The following CUL3 variants were observed in gnomAD, a reference collection of about 807,000 sequenced individuals.
CUL3 encodes the protein cullin-3.
CUL3 carries 19 observed loss-of-function variants against 89.1 expected under a neutral mutation model. The ratio of observed to expected loss-of-function variants is 0.21; its 90% CI spans 0.15 to 0.31. The LOEUF (loss-of-function observed/expected upper bound fraction) is 0.31, where lower values mean the gene tolerates loss of function less well. CUL3 is among the 10% of genes least tolerant of loss of function. CUL3 has a pLI of 1.00. For missense variants in CUL3, 469 were observed against 942.3 expected (o/e 0.50, Z 6.58); for synonymous variants, 351 against 308.4 (o/e 1.14, Z -1.45).
intron 3 of CUL3, 56 bp from the exon 4 acceptor site, chr2:224,514,828 G>A: frequency 1.6e-6 from 2 of 1,229,484 alleles, no homozygotes; most frequent in Non-Finnish European, 2.3e-6. Flanking sequence ...AATAATTATT[G>A]TGTGCTACAA....
At chr2:224,583,022 C>G (rs921204525) in intron 1 of CUL3, among the ~76,000 whole-genome samples, 1 of 152,148 alleles carries the variant, frequency 6.6e-6, no homozygotes, top group Admixed American at 6.5e-5. Flanking sequence ...AGCAAAAAAT[C>G]TTATTTAGAA....
chr2:224,522,753 G>A (rs763781643), intron 3 of CUL3, among the ~76,000 whole-genome samples: 12 of 151,632 alleles, frequency 7.9e-5, no homozygotes, highest in South Asian at 2.1e-4. Flanking sequence ...ATATGAACCC[G>A]GGAGGCGGAG....
At chr2:224,484,956 T>TA (rs1428021893) in intron 13 of CUL3, among the ~76,000 whole-genome samples, 1 of 151,930 alleles carries the variant, frequency 6.6e-6, no homozygotes, top group Non-Finnish European at 1.5e-5. Flanking sequence ...TGGGACTGGT[T>TA]AGACAGTGGG....
intron 13 of CUL3, among the ~76,000 whole-genome samples, chr2:224,494,238 C>T (rs1046050081): frequency 6.6e-6 from 1 of 151,974 alleles, no homozygotes; most frequent in Non-Finnish European, 1.5e-5. Flanking sequence ...TTCTTGTGCT[C>T]ACCTGTATAT....
chr2:224,512,727 G>A (rs1423127917), intron 5 of CUL3, among the ~76,000 whole-genome samples: 1 of 152,178 alleles, frequency 6.6e-6, no homozygotes, highest in Non-Finnish European at 1.5e-5. Flanking sequence ...TGTTTTACTA[G>A]TAATTTAAGT....
intron 2 of CUL3, among the ~76,000 whole-genome samples, chr2:224,536,462 A>G (rs1693903757): frequency 6.6e-6 from 1 of 152,136 alleles, no homozygotes. Flanking sequence ...ATATTAGTTT[A>G]TTTGTTTATT....
intron 13 of CUL3, among the ~76,000 whole-genome samples, chr2:224,492,984 C>T (rs1236248694): frequency 6.6e-6 from 1 of 152,136 alleles, no homozygotes; most frequent in East Asian, 1.9e-4. Context: ...TTAACAACAT[C>T]CAGAACAAAT....
chr2:224,474,160 C>A lies in CUL3; in HGVS notation c.*85G>T. 1 of 1,345,018 alleles carries A rather than the reference C, an allele frequency of 7.4e-7. No individual in the cohort carries two copies. The highest frequency in any genetic ancestry group is 1.4e-5 in the South Asian group (1 of 70,146). 83.3% of individuals were successfully genotyped at this position (1,345,018 alleles called of 1,614,324 possible). A position where few individuals can be genotyped will look rare whatever the true frequency, so the allele number is the denominator to read the frequency against. On this transcript the variant is annotated 3_prime_UTR_variant, in exon 16 of 16. Transcript: ENST00000264414. Reference sequence around the variant, plus strand: ...ACTGTAATTTAATAGAAGAGATGGTCGTCTTAATATTTAATGATTTAAAAG... The same window carrying A: ...ACTGTAATTTAATAGAAGAGATGGTAGTCTTAATATTTAATGATTTAAAAG...
At chr2:224,556,713 TGG>T (rs774225427) in intron 2 of CUL3, among the ~76,000 whole-genome samples, 18 of 152,192 alleles carry the variant, frequency 1.2e-4, no homozygotes, top group African/African-American at 3.9e-4. Context: ...CATTGTTCTT[TGG>T]TTAAGTAAGA....
chr2:224,511,143 A>C (rs1420264114), intron 6 of CUL3, among the ~76,000 whole-genome samples: 1 of 152,214 alleles, frequency 6.6e-6, no homozygotes, highest in East Asian at 1.9e-4. Flanking sequence ...AAAGACAGGA[A>C]ATGCTCAATT....
chr2:224,561,507 C>T (rs756045774), intron 1 of CUL3, among the ~76,000 whole-genome samples: 11 of 152,264 alleles, frequency 7.2e-5, no homozygotes, highest in African/African-American at 1.2e-4. Context: ...TCAATCAAGA[C>T]GATCCTTAAG....
chr2:224,500,700 A>G (rs1692354729), intron 10 of CUL3, among the ~76,000 whole-genome samples: 1 of 145,892 alleles, frequency 6.9e-6, no homozygotes, highest in African/African-American at 2.6e-5. Flanking sequence ...ATCTCGGCTC[A>G]CTGCAACCTC....
At chr2:224,487,232 ACAT>A (rs1294491189) in intron 13 of CUL3, among the ~76,000 whole-genome samples, 1 of 152,182 alleles carries the variant, frequency 6.6e-6, no homozygotes, top group Middle Eastern at 3.2e-3. Context: ...TAACTAGCTA[ACAT>A]CATAATGACA....
chr2:224,552,317 G>A, intron 2 of CUL3, among the ~76,000 whole-genome samples: 1 of 152,150 alleles, frequency 6.6e-6, no homozygotes, highest in East Asian at 1.9e-4. Flanking sequence ...CTTATGGTGA[G>A]GTACAAAGGC....
At chr2:224,528,323 G>C (rs918478253) in intron 3 of CUL3, among the ~76,000 whole-genome samples, 2 of 152,074 alleles carry the variant, frequency 1.3e-5, no homozygotes, top group African/African-American at 4.8e-5. Context: ...CATCACTCCA[G>C]TCTGTTTCTA....
chr2:224,495,005 T>C (rs1692114174), intron 13 of CUL3: 1 of 151,716 alleles, frequency 6.6e-6, no homozygotes, highest in African/African-American at 2.4e-5. Flanking sequence ...AGGACTTGTA[T>C]CCAGAATTTA....
chr2:224,516,953 T>C (rs1476892637), intron 3 of CUL3, among the ~76,000 whole-genome samples: 1 of 152,172 alleles, frequency 6.6e-6, no homozygotes, highest in East Asian at 1.9e-4. Context: ...ACCTCCTCTT[T>C]CATCTCACAT....
intron 2 of CUL3, among the ~76,000 whole-genome samples, chr2:224,540,061 T>C (rs1447073997): frequency 2.9e-4 from 3 of 10,484 alleles, no homozygotes; most frequent in South Asian, 2.9e-3. Context: ...TCCTCCACCT[T>C]TTTTTTTTTT....
chr2:224,514,312 AT>A, intron 4 of CUL3, among the ~76,000 whole-genome samples: 1 of 152,320 alleles, frequency 6.6e-6, no homozygotes, highest in Non-Finnish European at 1.5e-5. Context: ...TACAAATGTT[AT>A]TACACAGAAA....
Sources: allele counts gnomAD v4.1 joint callset (sites outside exome capture counted in the v4.1 genomes callset), GRCh38; gene constraint gnomAD v4.1.1; transcripts MANE v1.5; gene names NCBI Gene and HGNC (gene_info 2026-07-23, HGNC 2026-07-21).